The following ZC3H7B variants were observed in gnomAD, a reference collection of about 807,000 sequenced individuals.
The protein encoded by ZC3H7B is zinc finger CCCH domain-containing protein 7B.
ZC3H7B carries 35 observed loss-of-function variants against 116.0 expected under a neutral mutation model. The observed-to-expected ratio is 0.30, with a 90% confidence interval of 0.23 to 0.40. The LOEUF is 0.40. Ranked by LOEUF, ZC3H7B falls within the 10% of genes least tolerant of loss-of-function variation. ZC3H7B has a pLI of 1.00. For synonymous variants in ZC3H7B, 502 were observed against 545.6 expected, an observed-to-expected ratio of 0.92 and a Z score of 1.11; for missense variants, 1,011 against 1,321.5, an observed-to-expected ratio of 0.77 and a Z score of 3.64.
In ZC3H7B at chr22:41,349,170, G is replaced by A. The variant is rs1440425345; in HGVS notation, c.1817G>A (p.Arg606His). Residue 606 changes from arginine to histidine, a missense_variant, in exon 16 of 23, where the codon CGC becomes CAC. By Grantham distance (29) the Arg-to-His change is conservative. Around this residue, in one of 5 missense-constraint regions of ZC3H7B, gnomAD observed 406 missense variants for 590.2 expected, o/e 0.69. Transcript: ENST00000352645. This position sits in a 1 kb window ranked among gnomAD's most constrained non-coding sequence, Gnocchi z 4.9. ...ACCTCCCTCAAGTACTCCAAGATCCGCCAGTTCCAGGAGCACTTCCAGTTC... is the reference window on the plus strand; with the variant it reads ...ACCTCCCTCAAGTACTCCAAGATCCACCAGTTCCAGGAGCACTTCCAGTTC... ...RSTSLKYSKI[R>H]QFQEHFQFDV... is the part of the protein sequence containing the mutation. 4 of 1,613,738 alleles carry A rather than the reference G, an allele frequency of 2.5e-6. No individual in the cohort carries two copies. Among genetic ancestry groups the A allele is most frequent in the Admixed American group, 1.7e-5 (1 of 60,008 alleles).
In ZC3H7B at chr22:41,327,430, C is replaced by G; in HGVS notation, c.444+66C>G. 1 of 1,565,072 alleles carries G rather than the reference C, an allele frequency of 6.4e-7. No individual in the cohort carries two copies. The highest frequency in any genetic ancestry group is 8.6e-7 in the Non-Finnish European group (1 of 1,158,500). On this transcript the variant is annotated intron_variant, in intron 5 of 22. Transcript: ENST00000352645. This position sits in a 1 kb window ranked among gnomAD's most constrained non-coding sequence, Gnocchi z 4.5. Reference sequence around the variant, plus strand: ...GCCAGGCTTCTGACCTTCCGGCCCTCACTTGGGCCCAGCCACCACATCCTT... The same window carrying G: ...GCCAGGCTTCTGACCTTCCGGCCCTGACTTGGGCCCAGCCACCACATCCTT...
intron 1 of ZC3H7B, among the ~76,000 whole-genome samples, chr22:41,313,660 T>G (rs931146487): frequency 3.9e-5 from 6 of 152,108 alleles, no homozygotes; most frequent in African/African-American, 1.4e-4. Flanking sequence ...GGCTTGGGAG[T>G]GCCAGTTTCT....
At chr22:41,348,406 G>T (rs1375583074) in intron 15 of ZC3H7B, among the ~76,000 whole-genome samples, 1 of 152,258 alleles carries the variant, frequency 6.6e-6, no homozygotes. Context: ...AATCCTGTGA[G>T]GGAGGAGTTA....
intron 7 of ZC3H7B, among the ~76,000 whole-genome samples, chr22:41,337,253 G>T (rs1188736283): frequency 6.6e-6 from 1 of 152,006 alleles, no homozygotes; most frequent in East Asian, 1.9e-4. Flanking sequence ...GCTTGAACCC[G>T]GGAGGTAGAG....
Position 41,330,075 on chromosome 22 carries a change from G to C in ZC3H7B, c.497G>C (p.Arg166Pro), listed in dbSNP as rs189417919. The C allele has an allele frequency of 6.2e-7, 1 of 1,613,840 alleles. No homozygotes were observed. Among genetic ancestry groups the C allele is most frequent in the Non-Finnish European group, 8.5e-7 (1 of 1,180,010 alleles). Residue 166 changes from arginine to proline, a missense_variant, in exon 6 of 23, where the codon CGA becomes CCA. Around this residue, in one of 5 missense-constraint regions of ZC3H7B, gnomAD observed 322 missense variants for 443.9 expected, o/e 0.73. Coordinates refer to ENST00000352645, the MANE Select transcript of ZC3H7B (RefSeq NM_017590.6). ...GAGCTGGCCCAGAAACTGGGGCTGC[G>C]AGTTCGCAAGGCGTATAAGAGGCCC... ...GQELAQKLGL[R>P]VRKAYKRPQE...
At chr22:41,320,501 G>A (rs1383445487) in intron 1 of ZC3H7B, among the ~76,000 whole-genome samples, 154 bp from the exon 2 acceptor site, 1 of 152,028 alleles carries the variant, frequency 6.6e-6, no homozygotes, top group Non-Finnish European at 1.5e-5. Context: ...ACTGGCCTGA[G>A]GGTGGTCATC....
In ZC3H7B at chr22:41,351,467, G is replaced by A. The variant is rs1351535742; in HGVS notation, c.1949-94G>A. On this transcript the variant is annotated intron_variant, in intron 16 of 22. Coordinates refer to ENST00000352645, the MANE Select transcript of ZC3H7B (RefSeq NM_017590.6). The surrounding 1 kb of genome is among the most constrained non-coding windows in gnomAD (Gnocchi z 5.1). The stretch of plus-strand genomic sequence containing the variant: ...GGCTGAGAATAGGGCTCCTCCAGCT[G>A]GGCCTCGGGGGTCCCTGGCACCTCG... 2 of 1,104,860 alleles carry A rather than the reference G, an allele frequency of 1.8e-6. No individual in the cohort carries two copies. The highest frequency in any genetic ancestry group is 2.6e-6 in the Non-Finnish European group (2 of 768,146). The allele number at this position is 1,104,860 out of a possible 1,614,324, so 68.4% of individuals were successfully genotyped here.
chr22:41,308,441 C>T (rs893529408), intron 1 of ZC3H7B, among the ~76,000 whole-genome samples: 1 of 152,164 alleles, frequency 6.6e-6, no homozygotes, highest in South Asian at 2.1e-4. Context: ...TGGCTTCTGT[C>T]TCCTTTTCTG....
rs2036469866 is a variant in ZC3H7B, at chr22:41,338,171, TGTGAG to T, written c.583-140_583-136del. On this transcript the variant is annotated intron_variant, in intron 7 of 22. Transcript: ENST00000352645. The surrounding 1 kb of genome is among the most constrained non-coding windows in gnomAD (Gnocchi z 4.5). ...GCATAAGCCACCACGCCTGGCCGCA[TGTGAG>T]GGCTTTAATCTCCCCTGGCACTCTA... 3.6e-6 allele frequency: 3 copies of T among 826,850 alleles called. No individual in the cohort carries two copies. In the African/African-American group the frequency reaches 5.2e-5, roughly 14 times the overall value. The allele number at this position is 826,850 out of a possible 1,614,324, so 51.2% of individuals were successfully genotyped here.
chr22:41,357,850 C>A lies in ZC3H7B; in HGVS notation c.*421C>A. 8.7e-6 allele frequency: 2 copies of A among 230,826 alleles called. No individual in the cohort carries two copies. The highest frequency in any genetic ancestry group is 1.7e-5 in the Non-Finnish European group (2 of 115,668). The allele number at this position is 230,826 out of a possible 1,614,324, so 14.3% of individuals were successfully genotyped here. Reference sequence around the variant, plus strand: ...GGCCCGTCCTCCTCCCACCCCCTCCCCCTGGGGGCAAATCAGGACACAACA... The same window carrying A: ...GGCCCGTCCTCCTCCCACCCCCTCCACCTGGGGGCAAATCAGGACACAACA... On this transcript the variant is annotated 3_prime_UTR_variant, in exon 23 of 23. Coordinates refer to ENST00000352645, the MANE Select transcript of ZC3H7B (RefSeq NM_017590.6). The surrounding 1 kb of genome is among the most constrained non-coding windows in gnomAD (Gnocchi z 5.4).
In ZC3H7B at chr22:41,302,728, G is replaced by A. The variant is rs1389586111; in HGVS notation, c.-7+956G>A. Among the ~76,000 whole-genome samples the A allele has an allele frequency of 2.0e-5, 3 of 152,184 alleles. No individual in the cohort carries two copies. Among genetic ancestry groups the A allele is most frequent in the African/African-American group, 4.8e-5 (2 of 41,446 alleles). ...CACAGACAAAGCCGTCTTCCCAGGG[G>A]GGAAAATAATCATATAAAAACAGCT... On this transcript the variant is annotated intron_variant, in intron 1 of 22. Coordinates refer to ENST00000352645, the MANE Select transcript of ZC3H7B (RefSeq NM_017590.6). The surrounding 1 kb of genome is among the most constrained non-coding windows in gnomAD (Gnocchi z 5.7).
chr22:41,354,250 G>C (rs1487980498), intron 17 of ZC3H7B, among the ~76,000 whole-genome samples: 1 of 152,246 alleles, frequency 6.6e-6, no homozygotes, highest in Non-Finnish European at 1.5e-5. Context: ...CACGCTTCTT[G>C]TGAGAATGGA....
chr22:41,316,023 G>A (rs1036112377), intron 1 of ZC3H7B, among the ~76,000 whole-genome samples: 1 of 143,126 alleles, frequency 7.0e-6, no homozygotes, highest in Non-Finnish European at 1.5e-5. Context: ...TTTCTCCCTT[G>A]TTTCTTGTTG....
rs1274713023 is a variant in ZC3H7B, at chr22:41,339,167, G to A, written c.792G>A (p.Glu264=). 3 of 1,611,920 alleles carry A rather than the reference G, an allele frequency of 1.9e-6. No homozygotes were observed. Among genetic ancestry groups the A allele is most frequent in the South Asian group, 2.2e-5 (2 of 90,370 alleles). ...DFSDGDVFGP[E]LDTLLDSLSL... is the part of the protein sequence containing the mutation. ...CAGACGGGGATGTCTTTGGCCCAGA[G>A]CTGGACACCCTCCTGGACTCGCTGG... Residue 264 remains glutamate, a synonymous_variant, in exon 9 of 23, where the codon GAG becomes GAA. Transcript: ENST00000352645.
In ZC3H7B at chr22:41,338,481, C is replaced by T. The variant is rs1013179033; in HGVS notation, c.625+126C>T. ...CCGAGGGGTTCCCCACCCTGGTACTCCCTGAGGCATGGGAGAAAACAGTGG... is the reference window on the plus strand; with the variant it reads ...CCGAGGGGTTCCCCACCCTGGTACTTCCTGAGGCATGGGAGAAAACAGTGG... On this transcript the variant is annotated intron_variant, in intron 8 of 22. Coordinates refer to ENST00000352645, the MANE Select transcript of ZC3H7B (RefSeq NM_017590.6). The surrounding 1 kb of genome is among the most constrained non-coding windows in gnomAD (Gnocchi z 4.5). 9.3e-6 allele frequency: 9 copies of T among 967,904 alleles called. No homozygotes were observed. Among genetic ancestry groups the T allele is most frequent in the African/African-American group, 1.6e-5 (1 of 61,416 alleles). The allele number at this position is 967,904 out of a possible 1,614,324, so 60.0% of individuals were successfully genotyped here. A position where few individuals can be genotyped will look rare whatever the true frequency, so the allele number is the denominator to read the frequency against.
intron 17 of ZC3H7B, among the ~76,000 whole-genome samples, chr22:41,354,204 T>C (rs2036685257): frequency 6.6e-6 from 1 of 152,182 alleles, no homozygotes; most frequent in Non-Finnish European, 1.5e-5. Flanking sequence ...GTGCCCCCTT[T>C]ATCTCGCCCA....
rs1228378834 is a variant in ZC3H7B, at chr22:41,346,090, G to A, written c.1547G>A (p.Arg516Gln). ...GAGATCGACGTGTGGACCGAGGAGC[G>A]GAAGGGCACCCTCAACCGCGACCTG... ...QEEIDVWTEERKGTLNRDLLF... is the reference protein window; with the variant it reads ...QEEIDVWTEEQKGTLNRDLLF... Residue 516 changes from arginine to glutamine, a missense_variant, in exon 14 of 23, where the codon CGG becomes CAG. Arg to Gln is a conservative substitution (Grantham distance 43). Coordinates refer to ENST00000352645, the MANE Select transcript of ZC3H7B (RefSeq NM_017590.6). The surrounding 1 kb of genome is among the most constrained non-coding windows in gnomAD (Gnocchi z 5.3). 9 of 1,613,770 alleles carry A rather than the reference G, an allele frequency of 5.6e-6. No homozygotes were observed. Among genetic ancestry groups the A allele is most frequent in the East Asian group, 2.2e-5 (1 of 44,886 alleles).
intron 7 of ZC3H7B, 147 bp downstream of exon 7, chr22:41,332,374 T>A (rs2036394722): frequency 4.1e-6 from 4 of 966,050 alleles, no homozygotes; most frequent in Non-Finnish European, 6.4e-6. Context: ...GGGGGCAGGA[T>A]GTGGGGACAG....
At position 41,331,636 on chromosome 22, in the gene ZC3H7B, C is replaced by T. The variant is rs541293028; in HGVS notation, c.526-535C>T. 1.6e-3 allele frequency among the ~76,000 whole-genome samples: 246 copies of T among 151,446 alleles called. 1 individual carries two copies. The highest frequency in any genetic ancestry group is 3.5e-3 in the Middle Eastern group (1 of 284). On this transcript the variant is annotated intron_variant, in intron 6 of 22. Coordinates refer to ENST00000352645, the MANE Select transcript of ZC3H7B (RefSeq NM_017590.6). ...CTATAATCGTAGTACTTTGGGAGGC[C>T]GAGGTGGGCAGGTTGCTTGAGCTCA...
Sources: allele counts gnomAD v4.1 joint callset (sites outside exome capture counted in the v4.1 genomes callset), GRCh38; gene constraint gnomAD v4.1.1; regional missense constraint gnomAD v4.1.1; non-coding constraint Gnocchi (gnomAD v3.1); transcripts MANE v1.5; gene names NCBI Gene and HGNC (gene_info 2026-07-23, HGNC 2026-07-21).